The following KIF21A variants were observed in gnomAD, a reference collection of about 807,000 sequenced individuals.
KIF21A encodes the protein kinesin-like protein KIF21A.
A neutral mutation model predicts 202.9 loss-of-function variants in KIF21A; 114 were observed. The observed-to-expected ratio is 0.56, with a 90% CI of 0.48 to 0.66. The LOEUF (loss-of-function observed/expected upper bound fraction) is 0.66, where lower values mean the gene tolerates loss of function less well. Among genes scored for constraint, KIF21A ranks in the 30% least tolerant of loss-of-function variants. The pLI is 0.00. For synonymous variants in KIF21A, 667 were observed against 670.8 expected (o/e 0.99, Z 0.09); for missense variants, 1,677 against 1,994.9 (o/e 0.84, Z 3.04).
At chr12:39,358,145 T>G (rs537349378) in intron 8 of KIF21A, 33 bp downstream of exon 8, 40 of 1,589,154 alleles carry the variant, frequency 2.5e-5, no homozygotes, top group Admixed American at 3.3e-5. Context: ...CTTAGATGTA[T>G]CACAAAATGC....
At chr12:39,320,249 CT>C (rs1945065537) in intron 27 of KIF21A, among the ~76,000 whole-genome samples, 1 of 152,122 alleles carries the variant, frequency 6.6e-6, no homozygotes, top group African/African-American at 2.4e-5. Flanking sequence ...TAACAACTTA[CT>C]ATCTTTGAAT....
chr12:39,402,449 A>C (rs1952236208), intron 1 of KIF21A, among the ~76,000 whole-genome samples: 1 of 152,182 alleles, frequency 6.6e-6, no homozygotes, highest in Non-Finnish European at 1.5e-5. Flanking sequence ...TATAATTCCA[A>C]CTACTCAGGA....
Position 39,355,707 on chromosome 12 carries a change from T to TTATATATATATACATATATATA in KIF21A, c.1469+1124_1469+1125insTATATATATGTATATATATATA, listed in dbSNP as rs1555172724. ...TACCAAAAACATGAAGCATGAACAA[T>TTATATATATATACATATATATA]TATATATATATATATATATATATAT... is the stretch of plus-strand genomic sequence containing the variant. On this transcript the variant is annotated intron_variant, in intron 10 of 37. Transcript: ENST00000361418. Among the ~76,000 whole-genome samples the TTATATATATATACATATATATA allele has an allele frequency of 4.3e-4, 44 of 101,230 alleles. 2 individuals carry two copies. The highest frequency in any genetic ancestry group is 2.0e-3 in the African/African-American group (41 of 20,630). 66.4% of individuals were successfully genotyped at this position (101,230 alleles called of 152,430 possible). A position where few individuals can be genotyped will look rare whatever the true frequency, so the allele number is the denominator to read the frequency against.
chr12:39,325,717 G>A (rs188735705), intron 26 of KIF21A, 122 bp downstream of exon 26: 3 of 713,254 alleles, frequency 4.2e-6, no homozygotes, highest in South Asian at 3.5e-5. Flanking sequence ...ATAAAGAAGA[G>A]CTTTAGTAAA....
intron 1 of KIF21A, among the ~76,000 whole-genome samples, chr12:39,433,791 T>C (rs1938292630): frequency 6.6e-6 from 1 of 152,162 alleles, no homozygotes; most frequent in Admixed American, 6.5e-5. Flanking sequence ...CAGTATGGCA[T>C]GTAATTTATA....
Position 39,337,157 on chromosome 12 carries a change from A to AGTCTGGCTTTCTCTT in KIF21A, c.2342_2356dup (p.Gln781_Arg785dup). On this transcript the variant is annotated inframe_insertion, in exon 17 of 38. Transcript: ENST00000361418. ...CTCTCTGTTTCTTCTAGACTCAGTCAGTCTGGCTTTCTCTTGTTCTTCTTT... is the reference window on the plus strand; with the variant it reads ...CTCTCTGTTTCTTCTAGACTCAGTCAGTCTGGCTTTCTCTTGTCTGGCTTTCTCTTGTTCTTCTTT... 1.2e-6 allele frequency: 2 copies of AGTCTGGCTTTCTCTT among 1,612,720 alleles called. No homozygotes were observed. Among genetic ancestry groups the AGTCTGGCTTTCTCTT allele is most frequent in the Non-Finnish European group, 1.7e-6 (2 of 1,179,524 alleles).
intron 29 of KIF21A, among the ~76,000 whole-genome samples, chr12:39,316,922 G>A (rs960722515): frequency 6.6e-6 from 1 of 152,140 alleles, no homozygotes; most frequent in Non-Finnish European, 1.5e-5. Context: ...TCAAAAGATT[G>A]ACAGAAAATA....
At chr12:39,379,929 A>T (rs1434923429) in intron 1 of KIF21A, among the ~76,000 whole-genome samples, 2 of 152,188 alleles carry the variant, frequency 1.3e-5, no homozygotes, top group Admixed American at 6.5e-5. Flanking sequence ...GATCCTGATC[A>T]AATCAGGGTT....
At chr12:39,357,868 C>T (rs980538970) in intron 8 of KIF21A, among the ~76,000 whole-genome samples, 4 of 122,310 alleles carry the variant, frequency 3.3e-5, no homozygotes, top group African/African-American at 1.3e-4. Context: ...GAGATCACGC[C>T]ACTGCACTCC....
intron 1 of KIF21A, among the ~76,000 whole-genome samples, chr12:39,429,115 T>C (rs73094410): frequency 0.34 from 51,799 of 152,030 alleles, 11,164 homozygotes; most frequent in African/African-American, 0.61. Context: ...TAATGACATA[T>C]TAAGCAATAT....
intron 34 of KIF21A, among the ~76,000 whole-genome samples, chr12:39,306,078 T>G (rs1943445870): frequency 6.6e-6 from 1 of 152,092 alleles, no homozygotes; most frequent in South Asian, 2.1e-4. Context: ...TGGCAGAGAG[T>G]AACAATGAAC....
intron 12 of KIF21A, among the ~76,000 whole-genome samples, chr12:39,342,396 C>T (rs939066009): frequency 2.0e-5 from 3 of 152,126 alleles, no homozygotes; most frequent in African/African-American, 7.2e-5. Context: ...GACCTCGACA[C>T]CCCTAAGAAC....
At position 39,302,954 on chromosome 12, in the gene KIF21A, T is replaced by C; in HGVS notation, c.4731+11A>G. 6.2e-7 allele frequency: 1 copy of C among 1,611,990 alleles called. No individual in the cohort carries two copies. Among genetic ancestry groups the C allele is most frequent in the Non-Finnish European group, 8.5e-7 (1 of 1,178,492 alleles). ...ATGCCCACTCTATACCATGAAAAGG[T>C]TCTGCATTACCTGAAGAAGGTCTTT... On this transcript the variant is annotated intron_variant, in intron 36 of 37. Transcript: ENST00000361418.
Position 39,361,522 on chromosome 12 carries a change from C to CTT in KIF21A, c.1019+1574_1019+1575dup, listed in dbSNP as rs541860250. 5.8e-4 allele frequency among the ~76,000 whole-genome samples: 76 copies of CTT among 131,696 alleles called. 2 individuals carry two copies. The highest frequency in any genetic ancestry group is 1.3e-3 in the East Asian group (6 of 4,492). 86.4% of individuals were successfully genotyped at this position (131,696 alleles called of 152,430 possible). On this transcript the variant is annotated intron_variant, in intron 7 of 37. Transcript: ENST00000361418. ...TATTCTACAAAACAGAACTTTCTTT[C>CTT]TTTTTTTTTTTTTTTTTGAGACGGA...
intron 1 of KIF21A, among the ~76,000 whole-genome samples, chr12:39,387,647 A>G (rs938239017): frequency 3.3e-5 from 5 of 152,144 alleles, no homozygotes; most frequent in Non-Finnish European, 2.9e-5. Flanking sequence ...TACAATGGAT[A>G]CAGTATCCAC....
chr12:39,412,786 C>T (rs1953215764), intron 1 of KIF21A, among the ~76,000 whole-genome samples: 1 of 152,098 alleles, frequency 6.6e-6, no homozygotes, highest in African/African-American at 2.4e-5. Flanking sequence ...AGAGCAGTAA[C>T]TCTTTACAAA....
chr12:39,416,711 G>GTGTATATACATGTACATATATA (rs1953696098), intron 1 of KIF21A, among the ~76,000 whole-genome samples: 3 of 86,392 alleles, frequency 3.5e-5, no homozygotes, highest in African/African-American at 2.4e-4. Flanking sequence ...ACATATATAT[G>GTGTATATACATGTACATATATA]TGTGTATATA....
intron 9 of KIF21A, 59 bp from the exon 10 acceptor site, chr12:39,356,954 G>A (rs576097496): frequency 2.1e-4 from 175 of 821,012 alleles, no homozygotes; most frequent in Non-Finnish European, 3.3e-4. Context: ...AACAAAACAG[G>A]AGAAAAAAAA....
At chr12:39,382,321 T>C (rs1020560916) in intron 1 of KIF21A, among the ~76,000 whole-genome samples, 3 of 152,150 alleles carry the variant, frequency 2.0e-5, no homozygotes, top group African/African-American at 7.2e-5. Flanking sequence ...CTGAAAACCA[T>C]TGCCATAGAA....
Sources: gnomAD v4.1 joint callset for allele counts (sites outside exome capture counted in the v4.1 genomes callset) on GRCh38, gnomAD v4.1.1 for gene constraint, MANE v1.5 for transcripts, NCBI Gene and HGNC (gene_info 2026-07-23, HGNC 2026-07-21) for gene names.